ZMYM2: variants seen among roughly 807,000 people sequenced by gnomAD.
The protein encoded by ZMYM2 is zinc finger MYM-type containing 2.
Under a neutral mutation model 162.8 loss-of-function variants are expected in ZMYM2, and 56 were observed. That is an observed-to-expected ratio of 0.34 (90% CI 0.28 to 0.43). The LOEUF (loss-of-function observed/expected upper bound fraction) is 0.43, where lower values mean the gene tolerates loss of function less well. ZMYM2 is among the 20% of genes least tolerant of loss of function. The pLI, the probability that ZMYM2 is intolerant of heterozygous loss-of-function variation, is 1.00. For missense variants in ZMYM2, 1,275 were observed against 1,621.8 expected, an observed-to-expected ratio of 0.79 and a Z score of 3.67; for synonymous variants, 510 against 541.6, an observed-to-expected ratio of 0.94 and a Z score of 0.81.
Position 20,063,400 on chromosome 13 carries a change from C to CT in ZMYM2, c.3037+432dup, listed in dbSNP as rs1956376654. ...CTTGGGCAGCAGAGTGAGACCCTGTCTTTAAAAAAAAAAAAAAAAAAAAAA... is the reference window on the plus strand; with the variant it reads ...CTTGGGCAGCAGAGTGAGACCCTGTCTTTTAAAAAAAAAAAAAAAAAAAAAA... On this transcript the variant is annotated intron_variant, in intron 18 of 24. Transcript: ENST00000610343. Among the ~76,000 whole-genome samples the CT allele has an allele frequency of 1.1e-4, 10 of 89,510 alleles. No individual in the cohort carries two copies. The South Asian group carries it at 2.8e-3, about 25-fold the overall frequency. The allele number at this position is 89,510 out of a possible 152,430, so 58.7% of individuals were successfully genotyped here.
intron 3 of ZMYM2, among the ~76,000 whole-genome samples, chr13:19,998,064 A>G (rs1309985880): frequency 2.0e-5 from 3 of 152,160 alleles, no homozygotes; most frequent in Admixed American, 2.0e-4. Context: ...CATCAGAAAA[A>G]CTGTACACAA....
intron 16 of ZMYM2, 21 bp downstream of exon 16, chr13:20,059,583 T>C: frequency 9.5e-7 from 1 of 1,050,386 alleles, no homozygotes; most frequent in Non-Finnish European, 1.5e-6. Flanking sequence ...TTTTAAGTTC[T>C]TTCTCATTTT....
rs1198920597 is a variant in ZMYM2, at chr13:20,025,020, CT to C, written c.1585-1587del. 6.6e-5 allele frequency: 14 copies of C among 213,696 alleles called. No homozygotes were observed. The East Asian group carries it at 9.1e-4, about 14-fold the overall frequency. 13.2% of individuals were successfully genotyped at this position (213,696 alleles called of 1,614,324 possible). A position where few individuals can be genotyped will look rare whatever the true frequency, so the allele number is the denominator to read the frequency against. ...TTCTATTCGTTTCAAGCTGAAAGACCTTTTTCTTGATGTTGATTGTATTTTT... is the reference window on the plus strand; with the variant it reads ...TTCTATTCGTTTCAAGCTGAAAGACCTTTTCTTGATGTTGATTGTATTTTT... On this transcript the variant is annotated intron_variant, in intron 7 of 24. Coordinates refer to ENST00000610343, the MANE Select transcript of ZMYM2 (RefSeq NM_197968.4).
intron 6 of ZMYM2, among the ~76,000 whole-genome samples, chr13:20,016,824 T>G (rs902493364): frequency 7.2e-5 from 11 of 152,228 alleles, no homozygotes; most frequent in African/African-American, 2.2e-4. Context: ...GTCTCTGAGT[T>G]TATCCTACAT....
At chr13:20,079,345 G>GAAAAAAAAAAAAAAAAAAAAAA (rs1957754259) in intron 21 of ZMYM2, among the ~76,000 whole-genome samples, 1 of 19,140 alleles carries the variant, frequency 5.2e-5, no homozygotes, top group African/African-American at 1.5e-4. Flanking sequence ...AAAAAAAAAG[G>GAAAAAAAAAAAAAAAAAAAAAA]ATACTTAATG....
chr13:19,999,103 T>A (rs1055993373), intron 3 of ZMYM2, among the ~76,000 whole-genome samples: 1 of 152,192 alleles, frequency 6.6e-6, no homozygotes, highest in Non-Finnish European at 1.5e-5. Context: ...AGAAAATATG[T>A]CCTCTAGCAT....
intron 12 of ZMYM2, among the ~76,000 whole-genome samples, chr13:20,040,354 G>C (rs985826785): frequency 1.3e-5 from 2 of 152,096 alleles, no homozygotes; most frequent in East Asian, 3.8e-4. Context: ...ATTTCTTCTA[G>C]ATTTTCTAGT....
chr13:19,866,441 A>T, the ZMYM2 span, among the ~76,000 whole-genome samples: 1 of 152,034 alleles, frequency 6.6e-6, no homozygotes, highest in Non-Finnish European at 1.5e-5. Context: ...CGAGACGGGC[A>T]GATCACCTGA....
chr13:19,992,390 T>C (rs1464978741), intron 2 of ZMYM2, among the ~76,000 whole-genome samples: 1 of 151,978 alleles, frequency 6.6e-6, no homozygotes, highest in Non-Finnish European at 1.5e-5. Context: ...TGAGACCTCG[T>C]CTCTACCTAA....
intron 7 of ZMYM2, among the ~76,000 whole-genome samples, chr13:20,023,455 G>A (rs1030853873): frequency 1.3e-5 from 2 of 152,102 alleles, no homozygotes; most frequent in East Asian, 3.8e-4. Flanking sequence ...TTGTAAAATC[G>A]TGACAGTTTT....
chr13:20,073,691 C>T (rs899358357), intron 21 of ZMYM2, among the ~76,000 whole-genome samples: 3 of 152,116 alleles, frequency 2.0e-5, no homozygotes, highest in Non-Finnish European at 4.4e-5. Context: ...AAGGAAAATG[C>T]TATCACAGGA....
chr13:20,085,886 G>C lies in ZMYM2; in HGVS notation c.4006G>C (p.Asp1336His). The C allele has an allele frequency of 6.2e-7, 1 of 1,613,662 alleles. No homozygotes were observed. Among genetic ancestry groups the C allele is most frequent in the Non-Finnish European group, 8.5e-7 (1 of 1,179,702 alleles). The change falls in exon 25 of 25, where the codon GAT (aspartate) becomes CAT (histidine). Residue 1336 changes from aspartate to histidine, a missense_variant. Physicochemically the swap from Asp to His is moderately conservative, Grantham distance 81. Transcript: ENST00000610343. Reference protein sequence around the residue: ...YLQPECSSSTDSPVWYTSTSL... With the variant: ...YLQPECSSSTHSPVWYTSTSL... ...GCAACCAGAATGCTCTAGTTCTACA[G>C]ATAGCCCTGTCTGGTATACGTCTAC...
chr13:20,067,931 G>A (rs1455201575), intron 21 of ZMYM2, among the ~76,000 whole-genome samples: 1 of 152,152 alleles, frequency 6.6e-6, no homozygotes, highest in Non-Finnish European at 1.5e-5. Context: ...TATGTATTTT[G>A]AAATATGGTA....
intron 6 of ZMYM2, among the ~76,000 whole-genome samples, chr13:20,017,873 A>G (rs1051345240): frequency 1.6e-4 from 25 of 152,102 alleles, no homozygotes; most frequent in African/African-American, 5.1e-4. Flanking sequence ...GGTATTTCCA[A>G]TATCTCTGTA....
At chr13:19,943,825 A>G in the ZMYM2 span, among the ~76,000 whole-genome samples, 4 of 152,224 alleles carry the variant, frequency 2.6e-5, no homozygotes, top group African/African-American at 9.6e-5. Flanking sequence ...AAGATGAAGT[A>G]GTTCACCAGA....
In ZMYM2 at chr13:20,086,143, G is replaced by A. The variant is rs1958255322; in HGVS notation, c.*129G>A. 2 of 789,452 alleles carry A rather than the reference G, an allele frequency of 2.5e-6. No homozygotes were observed. Among genetic ancestry groups the A allele is most frequent in the Non-Finnish European group, 3.8e-6 (2 of 530,826 alleles). The allele number at this position is 789,452 out of a possible 1,614,324, so 48.9% of individuals were successfully genotyped here. ...TTTTGTAGCAGTGTACCCACGCTGGGTATTACCATGTAAATAATCTGTGAG... is the reference window on the plus strand; with the variant it reads ...TTTTGTAGCAGTGTACCCACGCTGGATATTACCATGTAAATAATCTGTGAG... On this transcript the variant is annotated 3_prime_UTR_variant, in exon 25 of 25. Transcript: ENST00000610343.
intron 21 of ZMYM2, among the ~76,000 whole-genome samples, chr13:20,075,869 C>T (rs1010296633): frequency 6.6e-6 from 1 of 151,336 alleles, no homozygotes; most frequent in Non-Finnish European, 1.5e-5. Context: ...TTTTTTCCCC[C>T]CCATCCCGTA....
At chr13:19,953,500 T>G in the ZMYM2 span, among the ~76,000 whole-genome samples, 2 of 151,994 alleles carry the variant, frequency 1.3e-5, no homozygotes, top group Non-Finnish European at 2.9e-5. Context: ...CTGGCCAACA[T>G]GGTGAAACCC....
upstream of ZMYM2, among the ~76,000 whole-genome samples, chr13:19,954,375 C>T (rs1178922363): frequency 2.6e-5 from 4 of 151,832 alleles, no homozygotes; most frequent in Non-Finnish European, 5.9e-5. Context: ...CTCGGCCTCC[C>T]AAAGTGCTGG....
Sources: gnomAD v4.1 joint callset for allele counts (sites outside exome capture counted in the v4.1 genomes callset) on GRCh38, gnomAD v4.1.1 for gene constraint, MANE v1.5 for transcripts, NCBI Gene and HGNC (gene_info 2026-07-23, HGNC 2026-07-21) for gene names.